Variants in FAM118A observed in about 807,000 individuals in gnomAD.
The protein encoded by FAM118A is protein FAM118A.
In FAM118A, 25 loss-of-function variants were observed where a neutral mutation model predicts 38.2. The ratio of observed to expected loss-of-function variants is 0.65; its 90% CI spans 0.48 to 0.91. The LOEUF (loss-of-function observed/expected upper bound fraction) is 0.91, where lower values mean the gene tolerates loss of function less well. FAM118A is among the 40% of genes least tolerant of loss of function. FAM118A has a pLI of 0.00. For missense variants in FAM118A, 425 were observed against 463.3 expected (o/e 0.92, Z 0.76); for synonymous variants, 178 against 184.1 (o/e 0.97, Z 0.27).
upstream of FAM118A, chr22:45,309,850 G>A (rs966650730): frequency 8.5e-5 from 13 of 152,214 alleles, no homozygotes; most frequent in Admixed American, 3.9e-4. Context: ...CCTTCCCCGG[G>A]GCGGGGCCTC....
At chr22:45,330,455 T>G in intron 4 of FAM118A, 148 bp from the exon 5 acceptor site, 2 of 861,978 alleles carry the variant, frequency 2.3e-6, no homozygotes, top group Non-Finnish European at 3.2e-6. Flanking sequence ...TCTCTTAGGT[T>G]TTGAAGGTAT....
intron 3 of FAM118A, among the ~76,000 whole-genome samples, chr22:45,327,015 AAAAAT>A (rs1409866435): frequency 1.3e-5 from 2 of 151,330 alleles, no homozygotes; most frequent in Non-Finnish European, 2.9e-5. Flanking sequence ...CTCTGTCTCA[AAAAAT>A]AAAATAATAA....
chr22:45,323,314 G>A lies in FAM118A; in HGVS notation c.187G>A (p.Ala63Thr). Residue 63 changes from alanine (A) to threonine (T), a missense_variant, in exon 3 of 9, where the codon GCA becomes ACA. Physicochemically the swap from Ala to Thr is moderately conservative, Grantham distance 58. Transcript: ENST00000441876. ...CTGCATCGAGGCCGTCATCGAGGCT[G>A]CAGAGCAGCTGGAGGTGCTGCACCC... Reference protein sequence around the residue: ...RSCIEAVIEAAEQLEVLHPGD... With the variant: ...RSCIEAVIEATEQLEVLHPGD... 1 of 1,614,190 alleles carries A rather than the reference G, an allele frequency of 6.2e-7. No individual in the cohort carries two copies.
intron 5 of FAM118A, 93 bp from the exon 6 acceptor site, chr22:45,332,332 A>G (rs913907357): frequency 1.3e-5 from 17 of 1,328,152 alleles, no homozygotes; most frequent in Non-Finnish European, 1.8e-5. Context: ...GTCAGGGAGC[A>G]GTGATGTAAA....
intron 3 of FAM118A, among the ~76,000 whole-genome samples, chr22:45,324,265 G>A (rs1186049681): frequency 6.6e-6 from 1 of 152,222 alleles, no homozygotes; most frequent in Non-Finnish European, 1.5e-5. Context: ...GACCCGGGTG[G>A]GCAGCCCAAG....
chr22:45,310,742 G>C (rs1036430846), intron 1 of FAM118A, among the ~76,000 whole-genome samples: 2 of 152,182 alleles, frequency 1.3e-5, no homozygotes, highest in Admixed American at 6.5e-5. Flanking sequence ...CGCGCCTGCA[G>C]GTGCAGGGCC....
intron 3 of FAM118A, 101 bp downstream of exon 3, chr22:45,323,528 C>G (rs2085036884): frequency 6.9e-7 from 1 of 1,444,172 alleles, no homozygotes; most frequent in Non-Finnish European, 9.4e-7. Context: ...AACTTGTGTT[C>G]AGTGCTCAGC....
chr22:45,331,684 T>G (rs1569414), intron 5 of FAM118A, among the ~76,000 whole-genome samples: 66,757 of 152,090 alleles, frequency 0.44, 18,709 homozygotes, highest in African/African-American at 0.79. Context: ...CCGGTGTCAT[T>G]CCGTGACAGG....
At chr22:45,321,018 A>G (rs1392086878) in intron 1 of FAM118A, among the ~76,000 whole-genome samples, 2 of 152,250 alleles carry the variant, frequency 1.3e-5, no homozygotes, top group African/African-American at 4.8e-5. Context: ...TTACACTTAC[A>G]TTTATGAATA....
Position 45,323,307 on chromosome 22 carries a change from C to T in FAM118A, c.180C>T (p.Ile60=), listed in dbSNP as rs368363829. 17 of 1,614,054 alleles carry T rather than the reference C, an allele frequency of 1.1e-5. No homozygotes were observed. Among genetic ancestry groups the T allele is most frequent in the Admixed American group, 3.3e-5 (2 of 60,012 alleles). ...GGAGAAGCTGCATCGAGGCCGTCATCGAGGCTGCAGAGCAGCTGGAGGTGC... is the reference window on the plus strand; with the variant it reads ...GGAGAAGCTGCATCGAGGCCGTCATTGAGGCTGCAGAGCAGCTGGAGGTGC... The part of the protein sequence containing the change: ...CSWRSCIEAV[I]EAAEQLEVLH... The change falls in exon 3 of 9, where the codon ATC becomes ATT. Residue 60 remains isoleucine (I), a synonymous_variant. Transcript: ENST00000441876.
intron 4 of FAM118A, chr22:45,329,671 G>A (rs764182313): frequency 1.3e-5 from 2 of 152,436 alleles, no homozygotes; most frequent in African/African-American, 4.8e-5. Flanking sequence ...GGCCGCCTGA[G>A]GGGAGCGGGC....
chr22:45,338,165 C>T (rs964782193), intron 8 of FAM118A, among the ~76,000 whole-genome samples: 2 of 152,126 alleles, frequency 1.3e-5, no homozygotes, highest in Non-Finnish European at 2.9e-5. Flanking sequence ...TTCTCCCTTT[C>T]TGGAAGTCAT....
intron 1 of FAM118A, among the ~76,000 whole-genome samples, chr22:45,313,242 G>A (rs1042583295): frequency 1.3e-5 from 2 of 151,984 alleles, no homozygotes; most frequent in Non-Finnish European, 2.9e-5. Flanking sequence ...TTTCCCTCTG[G>A]TGACTATGTG....
chr22:45,338,075 A>C (rs2086229866), intron 8 of FAM118A: 1 of 159,230 alleles, frequency 6.3e-6, no homozygotes, highest in Non-Finnish European at 1.3e-5. Flanking sequence ...TGCCTTACTC[A>C]CATGTTCTTT....
chr22:45,323,565 C>A, intron 3 of FAM118A, 138 bp downstream of exon 3: 1 of 1,134,210 alleles, frequency 8.8e-7, no homozygotes, highest in African/African-American at 1.5e-5. Context: ...GCCAGAAATC[C>A]TTGAGTCCAT....
At chr22:45,330,207 T>A (rs761682745) in intron 4 of FAM118A, among the ~76,000 whole-genome samples, 7 of 152,228 alleles carry the variant, frequency 4.6e-5, no homozygotes, top group Non-Finnish European at 7.3e-5. Flanking sequence ...TTTAAATAAG[T>A]CCTTTTTTTC....
At chr22:45,311,469 G>A (rs1371816632) in intron 1 of FAM118A, among the ~76,000 whole-genome samples, 1 of 152,230 alleles carries the variant, frequency 6.6e-6, no homozygotes, top group East Asian at 1.9e-4. Context: ...AGGGGGAGAA[G>A]TGAGGGAAGT....
At chr22:45,323,922 C>T (rs986675491) in intron 3 of FAM118A, among the ~76,000 whole-genome samples, 5 of 152,168 alleles carry the variant, frequency 3.3e-5, no homozygotes, top group Non-Finnish European at 7.3e-5. Context: ...TGAGCGAGGC[C>T]CTGGGGCCGA....
chr22:45,338,240 T>A (rs201007641), intron 8 of FAM118A, among the ~76,000 whole-genome samples: 3 of 113,870 alleles, frequency 2.6e-5, no homozygotes, highest in Non-Finnish European at 7.1e-5. Flanking sequence ...TCTTTTTTTT[T>A]ATTTTTTGAG....
Sources: gnomAD v4.1 joint callset for allele counts (sites outside exome capture counted in the v4.1 genomes callset) on GRCh38, gnomAD v4.1.1 for gene constraint, MANE v1.5 for transcripts, NCBI Gene and HGNC (gene_info 2026-07-23, HGNC 2026-07-21) for gene names.